The following USP1 variants were observed in gnomAD, a reference collection of about 807,000 sequenced individuals.
The protein encoded by USP1 is ubiquitin carboxyl-terminal hydrolase 1.
USP1 carries 18 observed loss-of-function variants against 72.2 expected under a neutral mutation model. That is an observed-to-expected ratio of 0.25 (90% CI 0.17 to 0.37). USP1 has a LOEUF of 0.37. USP1 is among the 10% of genes least tolerant of loss of function. The pLI, the probability that USP1 is intolerant of heterozygous loss-of-function variation, is 1.00. For missense variants in USP1, 759 were observed against 884.9 expected (o/e 0.86, Z 1.81); for synonymous variants, 354 against 303.7 (o/e 1.17, Z -1.72).
intron 5 of USP1, 53 bp from the exon 6 acceptor site, chr1:62,444,685 A>T: frequency 7.4e-7 from 1 of 1,359,378 alleles, no homozygotes; most frequent in Non-Finnish European, 9.8e-7. Flanking sequence ...TATAGGCTTT[A>T]TGTACTGTAT....
At chr1:62,444,597 C>G (rs1645156919) in intron 5 of USP1, 141 bp from the exon 6 acceptor site, 1 of 645,290 alleles carries the variant, frequency 1.5e-6, no homozygotes, top group Non-Finnish European at 2.3e-6. Flanking sequence ...TAAGAAATTC[C>G]AAATTAGTGC....
At chr1:62,449,179 C>T (rs779726272) in intron 8 of USP1, among the ~76,000 whole-genome samples, 17 of 152,166 alleles carry the variant, frequency 1.1e-4, no homozygotes, top group African/African-American at 3.6e-4. Context: ...CCACCATGCC[C>T]GGCCAGTTTC....
upstream of USP1, chr1:62,436,950 T>C (rs2149202825): frequency 2.5e-6 from 1 of 395,664 alleles, no homozygotes; most frequent in Non-Finnish European, 4.5e-6. Context: ...TTCGTGTCTC[T>C]GCAGCGTGGA....
chr1:62,439,177 A>C (rs1315931783), intron 1 of USP1, among the ~76,000 whole-genome samples: 1 of 152,172 alleles, frequency 6.6e-6, no homozygotes, highest in Non-Finnish European at 1.5e-5. Context: ...AATCATTATA[A>C]TGAAATATTA....
chr1:62,443,383 A>G, intron 5 of USP1, 64 bp downstream of exon 5: 1 of 1,441,642 alleles, frequency 6.9e-7, no homozygotes, highest in Admixed American at 2.5e-5. Flanking sequence ...TTGGAGGAGA[A>G]TGACATGCGA....
chr1:62,450,270 T>C lies in USP1; in HGVS notation c.1647T>C (p.Leu549=). Residue 549 remains leucine, a synonymous_variant, in exon 9 of 9, where the codon CTT becomes CTC. Transcript: ENST00000339950. ...GGTTTGATTGTTATGGTGGTGGACT[T>C]TCCAAGATCAACACTCCTTTATTGA... ...GLEFDCYGGG[L]SKINTPLLTP... is the part of the protein sequence containing the mutation. The C allele has an allele frequency of 6.2e-7, 1 of 1,612,506 alleles. No homozygotes were observed. The highest frequency in any genetic ancestry group is 2.2e-5 in the East Asian group (1 of 44,734).
chr1:62,447,926 G>A (rs527315643), intron 7 of USP1, among the ~76,000 whole-genome samples: 2 of 151,938 alleles, frequency 1.3e-5, no homozygotes, highest in East Asian at 1.9e-4. Flanking sequence ...AGCTGGGACT[G>A]CAGGTGCCCA....
chr1:62,440,434 CA>C (rs1379905160), intron 2 of USP1, among the ~76,000 whole-genome samples: 1 of 151,862 alleles, frequency 6.6e-6, no homozygotes, highest in African/African-American at 2.4e-5. Context: ...AAACTCTAGT[CA>C]TGTAACTAGT....
Position 62,447,393 on chromosome 1 carries a change from G to A in USP1, c.1302G>A (p.Leu434=). 1 of 1,613,868 alleles carries A rather than the reference G, an allele frequency of 6.2e-7. No homozygotes were observed. The change falls in exon 7 of 9, where the codon CTG becomes CTA. Residue 434 remains leucine, a synonymous_variant. Transcript: ENST00000339950. The part of the protein sequence containing the change: ...ELVEKLFQGQ[L]VLRTRCLECE... ...TGGAGAAATTATTTCAAGGTCAGCT[G>A]GTATTAAGGACGCGTTGCTTGGAAT...
chr1:62,447,221 C>T, intron 6 of USP1, 120 bp from the exon 7 acceptor site: 1 of 976,930 alleles, frequency 1.0e-6, no homozygotes. Flanking sequence ...TGCTAATAAG[C>T]TGATCTATGA....
intron 1 of USP1, among the ~76,000 whole-genome samples, chr1:62,437,720 G>C (rs907850219): frequency 1.3e-5 from 2 of 152,226 alleles, no homozygotes; most frequent in African/African-American, 4.8e-5. Flanking sequence ...CTTTCTTTCC[G>C]TTCCCGAGAG....
At position 62,439,796 on chromosome 1, in the gene USP1, CAG is replaced by C. The variant is rs1645119763; in HGVS notation, c.-69-1_-69del. On this transcript the variant is annotated splice_acceptor_variant, in intron 1 of 8. Coordinates refer to ENST00000339950, the MANE Select transcript of USP1 (RefSeq NM_003368.5). LOFTEE classifies it low-confidence loss of function (5UTR_SPLICE). ...CTAATGAAACTTTCTCTGTGATTAA[CAG>C]ATATAATTGGTGATTACAACTTTCC... 4.0e-6 allele frequency: 5 copies of C among 1,241,528 alleles called. No homozygotes were observed. The highest frequency in any genetic ancestry group is 3.2e-5 in the Admixed American group (1 of 31,736). The allele number at this position is 1,241,528 out of a possible 1,614,324, so 76.9% of individuals were successfully genotyped here.
At chr1:62,436,768 C>G (rs548533391), upstream of USP1, 62 of 217,874 alleles carry the variant, frequency 2.8e-4, no homozygotes, top group East Asian at 5.7e-3. Context: ...CCAGCCAGGC[C>G]GCTAGCACCT....
intron 1 of USP1, among the ~76,000 whole-genome samples, chr1:62,438,143 G>A (rs1411080201): frequency 6.6e-6 from 1 of 151,994 alleles, no homozygotes; most frequent in Non-Finnish European, 1.5e-5. Context: ...GGGGCTAGGA[G>A]GTTTGGTTTT....
chr1:62,450,575 A>C lies in USP1; in HGVS notation c.1952A>C (p.Asn651Thr). The change falls in exon 9 of 9, where the codon AAT (asparagine) becomes ACT (threonine). Residue 651 changes from asparagine (N) to threonine (T), a missense_variant. Transcript: ENST00000339950. ...DEEVSIRVGG[N>T]TQPSKVLNKK... ...GAAGTGTCAATTAGAGTTGGTGGAAATACACAGCCAAGTAAAGTTTTGAAC... is the reference window on the plus strand; with the variant it reads ...GAAGTGTCAATTAGAGTTGGTGGAACTACACAGCCAAGTAAAGTTTTGAAC... 1 of 1,614,032 alleles carries C rather than the reference A, an allele frequency of 6.2e-7. No individual in the cohort carries two copies. The highest frequency in any genetic ancestry group is 8.5e-7 in the Non-Finnish European group (1 of 1,180,024).
At chr1:62,443,574 A>C (rs945797040) in intron 5 of USP1, among the ~76,000 whole-genome samples, 1 of 152,210 alleles carries the variant, frequency 6.6e-6, no homozygotes, top group African/African-American at 2.4e-5. Context: ...ATATTCATAC[A>C]TGCTTCTATA....
chr1:62,445,099 A>T lies in USP1; in HGVS notation c.919A>T (p.Thr307Ser). The change falls in exon 6 of 9, where the codon ACA becomes TCA. Residue 307 changes from threonine (T) to serine (S), a missense_variant. By Grantham distance (58) the Thr-to-Ser change is moderately conservative (BLOSUM62 1). This residue lies in a region of USP1 where 245 missense variants were observed against 240.7 expected (regional missense o/e 1.02). Transcript: ENST00000339950. ...QRQTRSKRKA[T>S]SDTLESPPKI... Reference sequence around the variant, plus strand: ...ACAAACTAGATCAAAAAGAAAAGCTACAAGTGATACATTAGAGAGTCCTCC... The same window carrying T: ...ACAAACTAGATCAAAAAGAAAAGCTTCAAGTGATACATTAGAGAGTCCTCC... 6.2e-7 allele frequency: 1 copy of T among 1,613,134 alleles called. No homozygotes were observed. Among genetic ancestry groups the T allele is most frequent in the East Asian group, 2.2e-5 (1 of 44,806 alleles).
chr1:62,450,834 G>A lies in USP1; in HGVS notation c.2211G>A (p.Val737=). 1 of 1,614,052 alleles carries A rather than the reference G, an allele frequency of 6.2e-7. No homozygotes were observed. Among genetic ancestry groups the A allele is most frequent in the Non-Finnish European group, 8.5e-7 (1 of 1,179,986 alleles). ...TTGAGAACAAAATTTCATACGTAGT[G>A]CAAAGCTTAAAGGAGTATGAGGGGA... The part of the protein sequence containing the change: ...SGFENKISYV[V]QSLKEYEGKW... Residue 737 remains valine (V), a synonymous_variant, in exon 9 of 9, where the codon GTG becomes GTA. Transcript: ENST00000339950.
intron 8 of USP1, among the ~76,000 whole-genome samples, chr1:62,449,472 C>T (rs1209872957): frequency 2.6e-5 from 4 of 152,244 alleles, no homozygotes; most frequent in Middle Eastern, 3.4e-3. Context: ...GAAATTACCA[C>T]GAGGGCTTCA....
Sources: gnomAD v4.1 joint callset for allele counts (sites outside exome capture counted in the v4.1 genomes callset) on GRCh38, gnomAD v4.1.1 for gene constraint, gnomAD v4.1.1 regional missense constraint, MANE v1.5 for transcripts, NCBI Gene and HGNC (gene_info 2026-07-23, HGNC 2026-07-21) for gene names.